Variants in GASK1A observed in about 807,000 individuals in gnomAD.
GASK1A encodes the protein golgi associated kinase 1A, also known as Golgi-associated kinase 1A.
In GASK1A, 40 loss-of-function variants were observed where a neutral mutation model predicts 41.2. The ratio of observed to expected loss-of-function variants is 0.97; its 90% CI spans 0.75 to 1.27. The LOEUF is 1.27. Among genes scored for constraint, GASK1A ranks in the 50% most tolerant of loss-of-function variants. The probability of loss-of-function intolerance (pLI) is 0.00; values close to 1 mark genes in which losing one functional copy is unlikely to be tolerated. For synonymous variants in GASK1A, 316 were observed against 307.1 expected, an observed-to-expected ratio of 1.03 and a Z score of -0.30; for missense variants, 678 against 745.1, an observed-to-expected ratio of 0.91 and a Z score of 1.05.
At chr3:43,018,850 G>C (rs939175747) in intron 1 of GASK1A, among the ~76,000 whole-genome samples, 3 of 152,166 alleles carry the variant, frequency 2.0e-5, no homozygotes, top group Admixed American at 2.0e-4. Flanking sequence ...GCAGTCTTTT[G>C]GAATTAGGGC....
At chr3:43,036,030 G>A (rs1485817753) in intron 2 of GASK1A, among the ~76,000 whole-genome samples, 1 of 152,208 alleles carries the variant, frequency 6.6e-6, no homozygotes, top group East Asian at 1.9e-4. Context: ...CTGAGGCACA[G>A]CTCCTTGCAA....
chr3:43,050,516 A>G (rs577700219), intron 2 of GASK1A, among the ~76,000 whole-genome samples: 1 of 152,110 alleles, frequency 6.6e-6, no homozygotes, highest in South Asian at 2.1e-4. Flanking sequence ...GTTTATATTA[A>G]TGGAGTTCAC....
intron 1 of GASK1A, among the ~76,000 whole-genome samples, chr3:43,015,520 A>G (rs1275808749): frequency 6.6e-6 from 1 of 150,790 alleles, no homozygotes; most frequent in African/African-American, 2.4e-5. Context: ...AGCCATAGGA[A>G]GGTACAGTGT....
chr3:43,056,361 C>T lies in GASK1A; in HGVS notation c.1703C>T (p.Thr568Ile), dbSNP rs2089716495. 4 of 1,550,268 alleles carry T rather than the reference C, an allele frequency of 2.6e-6. No individual in the cohort carries two copies. The Admixed American group carries it at 7.9e-5, about 30-fold the overall frequency. ...GGACACATCCAAAAGCACAACCTCACACTCTTCAGGGACGAGGACCCATAA... is the reference window on the plus strand; with the variant it reads ...GGACACATCCAAAAGCACAACCTCATACTCTTCAGGGACGAGGACCCATAA... ...LLGHIQKHNL[T>I]LFRDEDP is the part of the protein sequence containing the mutation. Residue 568 changes from threonine (T) to isoleucine (I), a missense_variant, in exon 5 of 5, where the codon ACA becomes ATA. Physicochemically the swap from Thr to Ile is moderately conservative, Grantham distance 89 (BLOSUM62 -1). Coordinates refer to ENST00000430121, the MANE Select transcript of GASK1A (RefSeq NM_001129908.3).
At chr3:42,990,953 A>C (rs551560924) in intron 1 of GASK1A, among the ~76,000 whole-genome samples, 1 of 152,222 alleles carries the variant, frequency 6.6e-6, no homozygotes, top group South Asian at 2.1e-4. Context: ...GCATGTATGC[A>C]AATGATGGGT....
chr3:43,039,205 G>GTTTTTTTTTTTTTTTTTTTTTTTTTTT (rs1329284553), intron 2 of GASK1A, among the ~76,000 whole-genome samples: 1 of 125,788 alleles, frequency 7.9e-6, no homozygotes. Flanking sequence ...TTTTTTTTTG[G>GTTTTTTTTTTTTTTTTTTTTTTTTTTT]TTTTTTTTTT....
intron 1 of GASK1A, among the ~76,000 whole-genome samples, chr3:42,983,886 G>A (rs1021532633): frequency 6.6e-6 from 1 of 152,186 alleles, no homozygotes; most frequent in African/African-American, 2.4e-5. Flanking sequence ...AGGGATGTCG[G>A]GGGTGGTGGG....
Position 43,032,436 on chromosome 3 carries a change from C to A in GASK1A, c.173C>A (p.Thr58Asn). 6.4e-7 allele frequency: 1 copy of A among 1,551,234 alleles called. No individual in the cohort carries two copies. The highest frequency in any genetic ancestry group is 8.7e-7 in the Non-Finnish European group (1 of 1,146,642). ...EPQGVTGAPA[T>N]HIRQALSSSR... ...CAGGGGGTAACTGGCGCCCCTGCAA[C>A]CCATATCCGGCAGGCTTTGAGCTCC... The change falls in exon 2 of 5, where the codon ACC becomes AAC. Residue 58 changes from threonine (T) to asparagine (N), a missense_variant. Coordinates refer to ENST00000430121, the MANE Select transcript of GASK1A (RefSeq NM_001129908.3).
At chr3:43,042,448 A>C (rs1452627860) in intron 2 of GASK1A, among the ~76,000 whole-genome samples, 1 of 152,034 alleles carries the variant, frequency 6.6e-6, no homozygotes, top group Admixed American at 6.6e-5. Context: ...ATGCCACTGC[A>C]CTCCAGCCTG....
intron 2 of GASK1A, among the ~76,000 whole-genome samples, chr3:43,039,481 G>T (rs543300491): frequency 6.6e-6 from 1 of 152,260 alleles, no homozygotes; most frequent in African/African-American, 2.4e-5. Context: ...GGAATTACAG[G>T]CATGAGCCAC....
At chr3:42,982,604 A>G (rs554483545) in intron 1 of GASK1A, among the ~76,000 whole-genome samples, 92 of 152,314 alleles carry the variant, frequency 6.0e-4, no homozygotes, top group African/African-American at 2.2e-3. Context: ...CCATTTTTGG[A>G]CATTTAGGTC....
At chr3:43,043,310 T>C (rs2089646944) in intron 2 of GASK1A, among the ~76,000 whole-genome samples, 1 of 151,934 alleles carries the variant, frequency 6.6e-6, no homozygotes, top group Non-Finnish European at 1.5e-5. Context: ...GCTTGAGGAG[T>C]CTTGGCCCAA....
At chr3:43,015,488 G>A (rs2089486039) in intron 1 of GASK1A, among the ~76,000 whole-genome samples, 1 of 150,968 alleles carries the variant, frequency 6.6e-6, no homozygotes, top group Non-Finnish European at 1.5e-5. Context: ...GCAGTGTGAA[G>A]CCACAGGAAG....
At chr3:42,997,458 C>A (rs34100558) in intron 1 of GASK1A, among the ~76,000 whole-genome samples, 1 of 150,614 alleles carries the variant, frequency 6.6e-6, no homozygotes, top group Non-Finnish European at 1.5e-5. Flanking sequence ...ATCTGGGATC[C>A]TTAGAAATGG....
In GASK1A at chr3:43,015,651, C is replaced by T. The variant is rs1324682089; in HGVS notation, c.4-16616C>T. Among the ~76,000 whole-genome samples the T allele has an allele frequency of 2.0e-5, 3 of 151,504 alleles. No individual in the cohort carries two copies. The East Asian group carries it at 5.9e-4, about 30-fold the overall frequency. On this transcript the variant is annotated intron_variant, in intron 1 of 4. Transcript: ENST00000430121. The stretch of plus-strand genomic sequence containing the variant: ...GTCACTGAAAGGGGCTGTGTGAAGC[C>T]ACAGGAAGGGGCAGTGGGAAGTCAC...
chr3:42,981,294 C>T (rs1318962479), intron 1 of GASK1A, among the ~76,000 whole-genome samples: 1 of 152,146 alleles, frequency 6.6e-6, no homozygotes, highest in Non-Finnish European at 1.5e-5. Flanking sequence ...CTTTGCTTCT[C>T]CATCTGAATG....
At chr3:43,013,767 G>T (rs1345732933) in intron 1 of GASK1A, among the ~76,000 whole-genome samples, 1 of 151,972 alleles carries the variant, frequency 6.6e-6, no homozygotes, top group Non-Finnish European at 1.5e-5. Context: ...AAAGCCACTG[G>T]ATGGGGCTAC....
chr3:43,050,993 CT>C (rs1559408285), intron 2 of GASK1A, among the ~76,000 whole-genome samples: 1 of 151,968 alleles, frequency 6.6e-6, no homozygotes, highest in Non-Finnish European at 1.5e-5. Flanking sequence ...ATTTTTTTAT[CT>C]AATGTCTGGG....
intron 2 of GASK1A, among the ~76,000 whole-genome samples, chr3:43,050,721 CCT>C (rs1575452943): frequency 1.3e-5 from 2 of 151,912 alleles, no homozygotes; most frequent in African/African-American, 4.8e-5. Flanking sequence ...TCTTCTTATT[CCT>C]CATACTTGAT....
Sources: gnomAD v4.1 joint callset for allele counts (sites outside exome capture counted in the v4.1 genomes callset) on GRCh38, gnomAD v4.1.1 for gene constraint, MANE v1.5 for transcripts, NCBI Gene and HGNC (gene_info 2026-07-23, HGNC 2026-07-21) for gene names.